The following SNCAIP variants were observed in gnomAD, a reference collection of about 807,000 sequenced individuals.
SNCAIP encodes synphilin-1.
SNCAIP carries 43 observed loss-of-function variants against 86.7 expected under a neutral mutation model. The ratio of observed to expected loss-of-function variants is 0.50; its 90% CI spans 0.39 to 0.64. The LOEUF is 0.64. Ranked by LOEUF, SNCAIP falls within the 30% of genes least tolerant of loss-of-function variation. The pLI is 0.00. For missense variants in SNCAIP, 981 were observed against 1,103.1 expected (o/e 0.89, Z 1.57); for synonymous variants, 417 against 427.2 (o/e 0.98, Z 0.29).
chr5:122,419,618 GAC>G (rs1324336962), intron 3 of SNCAIP, among the ~76,000 whole-genome samples: 2 of 152,134 alleles, frequency 1.3e-5, no homozygotes, highest in Non-Finnish European at 2.9e-5. Context: ...AGATAAATTA[GAC>G]ACAGACTCTG....
At position 122,344,794 on chromosome 5, in the gene SNCAIP, C is replaced by A. The variant is rs1580536559; in HGVS notation, c.-47+32510C>A. On this transcript the variant is annotated intron_variant, in intron 1 of 10. Coordinates refer to ENST00000261368, the MANE Select transcript of SNCAIP (RefSeq NM_005460.4). ...AAATTTGTATTATATATTTTCAAAT[C>A]TTTCTTGATTTATACTTATTTTTTC... 2.6e-5 allele frequency among the ~76,000 whole-genome samples: 4 copies of A among 152,258 alleles called. No individual in the cohort carries two copies. The East Asian group carries it at 5.8e-4, about 22-fold the overall frequency.
At chr5:122,456,785 G>A (rs1292124019) in intron 10 of SNCAIP, among the ~76,000 whole-genome samples, 1 of 152,158 alleles carries the variant, frequency 6.6e-6, no homozygotes, top group Non-Finnish European at 1.5e-5. Flanking sequence ...AAAGGATAAT[G>A]ATAAACCTAC....
intron 3 of SNCAIP, among the ~76,000 whole-genome samples, chr5:122,405,274 C>T (rs1017289675): frequency 1.3e-5 from 2 of 152,160 alleles, no homozygotes; most frequent in African/African-American, 4.8e-5. Context: ...TAATGTTGCC[C>T]AGCTGTCCTT....
At chr5:122,387,474 G>A (rs1353092995) in intron 1 of SNCAIP, among the ~76,000 whole-genome samples, 6 of 152,174 alleles carry the variant, frequency 3.9e-5, no homozygotes, top group Admixed American at 2.0e-4. Context: ...TTTTAAGCTG[G>A]CCTGCCCTTT....
intron 2 of SNCAIP, among the ~76,000 whole-genome samples, chr5:122,401,893 T>C (rs1561674359): frequency 6.6e-6 from 1 of 152,210 alleles, no homozygotes; most frequent in African/African-American, 2.4e-5. Context: ...ACATCAGAGA[T>C]TCTGATATGT....
At chr5:122,350,284 G>A (rs1265313271) in intron 1 of SNCAIP, among the ~76,000 whole-genome samples, 2 of 152,108 alleles carry the variant, frequency 1.3e-5, no homozygotes, top group African/African-American at 4.8e-5. Context: ...AGGTGATTAA[G>A]TACCATCCAA....
intron 1 of SNCAIP, among the ~76,000 whole-genome samples, chr5:122,354,843 G>A (rs1252456207): frequency 6.6e-6 from 1 of 152,074 alleles, no homozygotes; most frequent in Non-Finnish European, 1.5e-5. Context: ...TGGAGTATAT[G>A]AGCCATATTT....
chr5:122,370,971 A>C (rs1764156556), intron 1 of SNCAIP, among the ~76,000 whole-genome samples: 1 of 152,102 alleles, frequency 6.6e-6, no homozygotes, highest in African/African-American at 2.4e-5. Flanking sequence ...CAAGTGGGCT[A>C]TATGCTGCCT....
chr5:122,445,302 C>T lies in SNCAIP; in HGVS notation c.1592+570C>T, dbSNP rs886408394. ...GCATGAAGTTACTTAAAACACTTCA[C>T]GACTAATTACAGTCAGTTCTTCCCT... On this transcript the variant is annotated intron_variant, in intron 8 of 10. Coordinates refer to ENST00000261368, the MANE Select transcript of SNCAIP (RefSeq NM_005460.4). Among the ~76,000 whole-genome samples the T allele has an allele frequency of 4.6e-5, 7 of 152,138 alleles. No individual in the cohort carries two copies. The East Asian group carries it at 5.8e-4, about 13-fold the overall frequency.
At position 122,390,990 on chromosome 5, in the gene SNCAIP, A is replaced by C. The variant is rs565159246; in HGVS notation, c.-46-99A>C. ...TGCTCCAAGGCAACACTAGCACCCA[A>C]TAACCCTTCTCATCTTATTTGTTTA... is the stretch of plus-strand genomic sequence containing the variant. On this transcript the variant is annotated intron_variant, in intron 1 of 10. Coordinates refer to ENST00000261368, the MANE Select transcript of SNCAIP (RefSeq NM_005460.4). The C allele has an allele frequency of 7.1e-5, 50 of 700,910 alleles. 1 individual carries two copies. The highest frequency in any genetic ancestry group is 5.9e-4 in the South Asian group (38 of 64,376). The allele number at this position is 700,910 out of a possible 1,614,324, so 43.4% of individuals were successfully genotyped here. A position where few individuals can be genotyped will look rare whatever the true frequency, so the allele number is the denominator to read the frequency against.
Position 122,321,494 on chromosome 5 carries a change from G to A in SNCAIP, c.-47+9210G>A, listed in dbSNP as rs1305892424. 3 of 152,126 alleles carry A rather than the reference G, an allele frequency of 2.0e-5. No homozygotes were observed. In the East Asian group the frequency reaches 5.8e-4, roughly 29 times the overall value. 9.4% of individuals were successfully genotyped at this position (152,126 alleles called of 1,614,324 possible). On this transcript the variant is annotated intron_variant, in intron 1 of 10. Transcript: ENST00000261368. The stretch of plus-strand genomic sequence containing the variant: ...GATCTTTATTGCTGCTCCAATAGAA[G>A]GTTCACAAGGTTGTTTTCTCAAACC...
At chr5:122,382,361 C>T (rs944741819) in intron 1 of SNCAIP, among the ~76,000 whole-genome samples, 63 of 152,360 alleles carry the variant, frequency 4.1e-4, no homozygotes, top group African/African-American at 1.3e-3. Context: ...GCATTCTTCA[C>T]GTAATTCTCG....
At chr5:122,367,831 G>C (rs930933432) in intron 1 of SNCAIP, among the ~76,000 whole-genome samples, 1 of 152,028 alleles carries the variant, frequency 6.6e-6, no homozygotes, top group Non-Finnish European at 1.5e-5. Context: ...AGTTTCATTT[G>C]AATCCCATGA....
At chr5:122,460,456 A>G (rs1785900550) in intron 10 of SNCAIP, among the ~76,000 whole-genome samples, 1 of 152,158 alleles carries the variant, frequency 6.6e-6, no homozygotes, top group Non-Finnish European at 1.5e-5. Context: ...AAATGTGTCT[A>G]GCTCCATTTT....
At chr5:122,325,988 A>G (rs757438944) in intron 1 of SNCAIP, among the ~76,000 whole-genome samples, 2 of 152,214 alleles carry the variant, frequency 1.3e-5, no homozygotes, top group Non-Finnish European at 2.9e-5. Context: ...TTCAAAGTTA[A>G]GTAAATTAAA....
intron 8 of SNCAIP, among the ~76,000 whole-genome samples, chr5:122,448,053 C>G (rs1236349567): frequency 1.3e-5 from 2 of 152,088 alleles, no homozygotes; most frequent in Admixed American, 1.3e-4. Flanking sequence ...GTGCTTGGAG[C>G]TTATAGAAGA....
intron 1 of SNCAIP, among the ~76,000 whole-genome samples, chr5:122,348,876 A>G (rs893722666): frequency 2.0e-5 from 3 of 152,176 alleles, no homozygotes; most frequent in African/African-American, 4.8e-5. Context: ...AAAGTTTTGT[A>G]CAAAAAAAAT....
At chr5:122,431,408 T>C in intron 5 of SNCAIP, among the ~76,000 whole-genome samples, 1 of 152,146 alleles carries the variant, frequency 6.6e-6, no homozygotes, top group East Asian at 1.9e-4. Flanking sequence ...GAAATACTTC[T>C]CAGCAATAGA....
intron 1 of SNCAIP, among the ~76,000 whole-genome samples, chr5:122,318,465 G>T (rs2152658608): frequency 6.6e-6 from 1 of 152,130 alleles, no homozygotes; most frequent in East Asian, 1.9e-4. Flanking sequence ...CCTTATCTTT[G>T]CACATCCTGT....
Sources: allele counts gnomAD v4.1 joint callset (sites outside exome capture counted in the v4.1 genomes callset), GRCh38; gene constraint gnomAD v4.1.1; transcripts MANE v1.5; gene names NCBI Gene and HGNC (gene_info 2026-07-23, HGNC 2026-07-21).